Variants in ERC2 observed in about 807,000 individuals in gnomAD.
The protein encoded by ERC2 is ERC protein 2.
Under a neutral mutation model 114.8 loss-of-function variants are expected in ERC2, and 42 were observed. That is an observed-to-expected ratio of 0.37 (90% CI 0.29 to 0.47). The LOEUF is 0.47. Among genes scored for constraint, ERC2 ranks in the 20% least tolerant of loss-of-function variants. The probability of loss-of-function intolerance (pLI) is 0.99; values close to 1 mark genes in which losing one functional copy is unlikely to be tolerated. For synonymous variants in ERC2, 454 were observed against 425.5 expected (o/e 1.07, Z -0.82); for missense variants, 939 against 1,150.7 (o/e 0.82, Z 2.66).
intron 2 of ERC2, among the ~76,000 whole-genome samples, chr3:56,351,414 A>G (rs1234543368): frequency 6.6e-6 from 1 of 152,226 alleles, no homozygotes; most frequent in African/African-American, 2.4e-5. Flanking sequence ...AATCTCTGTA[A>G]CAAAATTTCA....
At chr3:56,055,108 G>A (rs2075955072) in intron 7 of ERC2, among the ~76,000 whole-genome samples, 1 of 152,178 alleles carries the variant, frequency 6.6e-6, no homozygotes, top group Non-Finnish European at 1.5e-5. Flanking sequence ...AACTTAAACT[G>A]AAATGCCAAA....
At chr3:56,206,180 AACACAC>A (rs3052731) in intron 3 of ERC2, among the ~76,000 whole-genome samples, 9 of 148,756 alleles carry the variant, frequency 6.1e-5, no homozygotes, top group Admixed American at 1.4e-4. Flanking sequence ...CAGCCAGAAA[AACACAC>A]ACACACACAC....
intron 15 of ERC2, among the ~76,000 whole-genome samples, chr3:55,732,741 A>T (rs921557116): frequency 2.6e-5 from 4 of 152,208 alleles, no homozygotes; most frequent in Non-Finnish European, 5.9e-5. Context: ...TTTGCTCTGC[A>T]GCTCCACCAA....
intron 14 of ERC2, among the ~76,000 whole-genome samples, chr3:55,861,157 G>T (rs2062011216): frequency 1.3e-5 from 2 of 152,190 alleles, no homozygotes. Flanking sequence ...TAGATCAAAA[G>T]TTGCTTTTCC....
intron 2 of ERC2, among the ~76,000 whole-genome samples, chr3:56,350,890 T>TCAGCAACCC (rs2058526821): frequency 6.6e-6 from 1 of 152,210 alleles, no homozygotes; most frequent in Non-Finnish European, 1.5e-5. Flanking sequence ...CTGCTTTCTC[T>TCAGCAACCC]TATTCAATAC....
intron 7 of ERC2, among the ~76,000 whole-genome samples, chr3:56,062,269 G>A (rs1224086222): frequency 6.6e-6 from 1 of 152,012 alleles, no homozygotes; most frequent in Non-Finnish European, 1.5e-5. Context: ...AATAATAAAC[G>A]GTAAGAGAAC....
At chr3:55,925,153 A>G (rs571046562) in intron 13 of ERC2, among the ~76,000 whole-genome samples, 1 of 152,306 alleles carries the variant, frequency 6.6e-6, no homozygotes, top group African/African-American at 2.4e-5. Flanking sequence ...GTGTTACCAG[A>G]TCCTAAAGCT....
chr3:56,164,335 G>T (rs1364839528), intron 4 of ERC2, among the ~76,000 whole-genome samples: 1 of 151,872 alleles, frequency 6.6e-6, no homozygotes, highest in African/African-American at 2.4e-5. Flanking sequence ...TTAATTAATA[G>T]TATCATATAA....
intron 2 of ERC2, among the ~76,000 whole-genome samples, chr3:56,391,147 G>A (rs184483903): frequency 4.8e-4 from 73 of 152,286 alleles, no homozygotes; most frequent in Non-Finnish European, 8.7e-4. Context: ...TCACTCATGG[G>A]AGATGTTCCA....
chr3:56,360,607 G>C (rs1339952572), intron 2 of ERC2, among the ~76,000 whole-genome samples: 1 of 152,124 alleles, frequency 6.6e-6, no homozygotes, highest in African/African-American at 2.4e-5. Flanking sequence ...TGAAGGATGA[G>C]TAAGTTTACC....
intron 9 of ERC2, 54 bp downstream of exon 9, chr3:56,010,395 G>A: frequency 2.5e-6 from 4 of 1,582,958 alleles, no homozygotes; most frequent in Non-Finnish European, 3.4e-6. Flanking sequence ...CAGCTTCATT[G>A]AATATGGGTT....
intron 3 of ERC2, among the ~76,000 whole-genome samples, chr3:56,241,849 T>A (rs551222454): frequency 5.4e-4 from 83 of 152,302 alleles, no homozygotes; most frequent in Middle Eastern, 3.4e-3. Flanking sequence ...TGATGACATA[T>A]GGGTTAAATG....
At chr3:55,723,940 G>T (rs535454711) in intron 15 of ERC2, among the ~76,000 whole-genome samples, 1 of 152,170 alleles carries the variant, frequency 6.6e-6, no homozygotes, top group Non-Finnish European at 1.5e-5. Flanking sequence ...TATTTGAAAT[G>T]ATAAGGTGAA....
chr3:55,572,458 C>A (rs1424063255), intron 17 of ERC2, among the ~76,000 whole-genome samples: 1 of 152,234 alleles, frequency 6.6e-6, no homozygotes, highest in African/African-American at 2.4e-5. Context: ...TGAAGCAATT[C>A]TATGCTTAAA....
At chr3:55,805,862 C>T (rs1575657310) in intron 14 of ERC2, among the ~76,000 whole-genome samples, 1 of 152,132 alleles carries the variant, frequency 6.6e-6, no homozygotes, top group East Asian at 1.9e-4. Context: ...CAGAAACTGA[C>T]CAAGGGCCTA....
At chr3:56,197,360 G>A (rs1246104488) in intron 3 of ERC2, among the ~76,000 whole-genome samples, 1 of 152,206 alleles carries the variant, frequency 6.6e-6, no homozygotes. Flanking sequence ...CTGAAACTAC[G>A]TTAGAATACG....
chr3:55,533,704 A>G (rs979646933), intron 17 of ERC2, among the ~76,000 whole-genome samples: 1 of 152,078 alleles, frequency 6.6e-6, no homozygotes, highest in Non-Finnish European at 1.5e-5. Context: ...AAACAGCAAC[A>G]CACGTGTGCT....
At chr3:55,585,021 A>G (rs1199069957) in intron 17 of ERC2, among the ~76,000 whole-genome samples, 1 of 152,208 alleles carries the variant, frequency 6.6e-6, no homozygotes, top group Non-Finnish European at 1.5e-5. Flanking sequence ...ATGTATGTCA[A>G]TCCATTTGGT....
chr3:55,960,575 T>C (rs1432667324), intron 12 of ERC2, among the ~76,000 whole-genome samples: 1 of 152,146 alleles, frequency 6.6e-6, no homozygotes, highest in Non-Finnish European at 1.5e-5. Context: ...TTTGTAAGCA[T>C]ATATTTATTT....
Sources: allele counts gnomAD v4.1 joint callset (sites outside exome capture counted in the v4.1 genomes callset), GRCh38; gene constraint gnomAD v4.1.1; transcripts MANE v1.5; gene names NCBI Gene and HGNC (gene_info 2026-07-23, HGNC 2026-07-21).